Variants in GPR158 observed in about 807,000 individuals in gnomAD.
GPR158 encodes the protein metabotropic glycine receptor.
A neutral mutation model predicts 78.2 loss-of-function variants in GPR158; 30 were observed. That is an observed-to-expected ratio of 0.38 (90% CI 0.29 to 0.52). GPR158 has a LOEUF of 0.52. Ranked by LOEUF, GPR158 falls within the 20% of genes least tolerant of loss-of-function variation. The pLI, the probability that GPR158 is intolerant of heterozygous loss-of-function variation, is 0.83. For synonymous variants in GPR158, 581 were observed against 591.1 expected (o/e 0.98, Z 0.25); for missense variants, 1,463 against 1,523.5 (o/e 0.96, Z 0.66).
chr10:25,240,630 T>C (rs976152424), intron 2 of GPR158, among the ~76,000 whole-genome samples: 11 of 149,652 alleles, frequency 7.4e-5, no homozygotes, highest in Non-Finnish European at 1.2e-4. Context: ...CATTGTCTGC[T>C]GATAGAACGA....
chr10:25,560,862 A>G lies in GPR158; in HGVS notation c.1514+9777A>G, dbSNP rs569556152. The stretch of plus-strand genomic sequence containing the variant: ...AATGGAAACATTTTCGCTATTAGTC[A>G]TTTCTACCACATTTCAATCTGGACA... On this transcript the variant is annotated intron_variant, in intron 6 of 10. Coordinates refer to ENST00000376351, the MANE Select transcript of GPR158 (RefSeq NM_020752.3). Among the ~76,000 whole-genome samples, 51 of 152,284 alleles carry G rather than the reference A, an allele frequency of 3.3e-4. No homozygotes were observed. The South Asian group carries it at 0.01, about 30-fold the overall frequency.
In GPR158 at chr10:25,587,018, A is replaced by G. The variant is rs116387315; in HGVS notation, c.1754-1989A>G. On this transcript the variant is annotated intron_variant, in intron 7 of 10. Transcript: ENST00000376351. ...CTCAATTCCGTCTTGCTGACCGACT[A>G]AAATTAGAGGTTTATATAGCAGGGA... Among the ~76,000 whole-genome samples, 1,390 of 152,300 alleles carry G rather than the reference A, an allele frequency of 9.1e-3. 34 individuals are homozygous for G. Among genetic ancestry groups the G allele is most frequent in the African/African-American group, 0.032 (1,338 of 41,570 alleles).
chr10:25,572,149 G>A (rs929813422), intron 6 of GPR158, among the ~76,000 whole-genome samples: 1 of 152,054 alleles, frequency 6.6e-6, no homozygotes, highest in African/African-American at 2.4e-5. Context: ...TTTGCCTACG[G>A]ATCTTTCTAA....
intron 8 of GPR158, 175 bp from the exon 9 acceptor site, chr10:25,594,114 GCAT>G (rs1312457281): frequency 5.8e-6 from 3 of 518,024 alleles, no homozygotes; most frequent in Non-Finnish European, 1.0e-5. Flanking sequence ...CATATATTAT[GCAT>G]CAAATTAAGC....
rs868129665 is a variant in GPR158, at chr10:25,217,010, G to A, written c.903-4042G>A. Among the ~76,000 whole-genome samples, 8 of 152,178 alleles carry A rather than the reference G, an allele frequency of 5.3e-5. No homozygotes were observed. The South Asian group carries it at 1.7e-3, about 32-fold the overall frequency. On this transcript the variant is annotated intron_variant, in intron 1 of 10. Coordinates refer to ENST00000376351, the MANE Select transcript of GPR158 (RefSeq NM_020752.3). ...ATTGATTTCAAGTAGGGAATTGTCGGGATTGGGTTTATATGTTTCAAATAT... is the reference window on the plus strand; with the variant it reads ...ATTGATTTCAAGTAGGGAATTGTCGAGATTGGGTTTATATGTTTCAAATAT...
In GPR158 at chr10:25,356,038, CAG is replaced by C. The variant is rs1366816658; in HGVS notation, c.1009-39869_1009-39868del. ...TCCCAATGCTTCTCATGAGTTGAGG[CAG>C]AGACAGGTCTCCTGCTAAGGAACAG... On this transcript the variant is annotated intron_variant, in intron 2 of 10. Transcript: ENST00000376351. 9.2e-5 allele frequency among the ~76,000 whole-genome samples: 14 copies of C among 152,162 alleles called. No homozygotes were observed. In the East Asian group the frequency reaches 2.0e-3, roughly 21 times the overall value.
chr10:25,357,374 C>A (rs188066720), intron 2 of GPR158, among the ~76,000 whole-genome samples: 79 of 152,232 alleles, frequency 5.2e-4, no homozygotes, highest in African/African-American at 1.8e-3. Context: ...ACGATGGGCA[C>A]AATATCTCCA....
intron 4 of GPR158, among the ~76,000 whole-genome samples, chr10:25,448,124 AC>A (rs1835162656): frequency 7.5e-6 from 1 of 133,448 alleles, no homozygotes; most frequent in East Asian, 2.1e-4. Flanking sequence ...TCGTTCTGTC[AC>A]CCAGGCTGGA....
At chr10:25,585,156 CA>C (rs1007078546) in intron 7 of GPR158, among the ~76,000 whole-genome samples, 5 of 152,150 alleles carry the variant, frequency 3.3e-5, no homozygotes, top group Admixed American at 6.5e-5. Context: ...CTTATGCAAG[CA>C]AATAGAAACT....
At position 25,419,661 on chromosome 10, in the gene GPR158, T is replaced by TTTG. The variant is rs554254283; in HGVS notation, c.1335+7209_1335+7211dup. 3.1e-3 allele frequency among the ~76,000 whole-genome samples: 467 copies of TTTG among 152,154 alleles called. 2 individuals carry two copies. Among genetic ancestry groups the TTTG allele is most frequent in the African/African-American group, 0.01 (422 of 41,534 alleles). On this transcript the variant is annotated intron_variant, in intron 4 of 10. Coordinates refer to ENST00000376351, the MANE Select transcript of GPR158 (RefSeq NM_020752.3). ...ACCTACATTTGTCATTTTCTGTTGT[T>TTTG]TTGTTGTTGTTGTTGTTGTTGTTTT...
chr10:25,373,377 A>G (rs1312380325), intron 2 of GPR158, among the ~76,000 whole-genome samples: 1 of 151,954 alleles, frequency 6.6e-6, no homozygotes, highest in African/African-American at 2.4e-5. Context: ...AATTTGTACA[A>G]CAAACCCCCA....
chr10:25,248,462 T>C (rs1477979520), intron 2 of GPR158, among the ~76,000 whole-genome samples: 2 of 151,406 alleles, frequency 1.3e-5, no homozygotes, highest in African/African-American at 4.8e-5. Flanking sequence ...AACATTTAAA[T>C]CTTTAATCCA....
At chr10:25,549,521 T>G (rs1836703748) in intron 5 of GPR158, among the ~76,000 whole-genome samples, 3 of 152,166 alleles carry the variant, frequency 2.0e-5, no homozygotes, top group Admixed American at 2.0e-4. Context: ...AGGAAAATAT[T>G]TATCTGTATC....
At chr10:25,479,241 G>C (rs1056165573) in intron 5 of GPR158, among the ~76,000 whole-genome samples, 1 of 151,984 alleles carries the variant, frequency 6.6e-6, no homozygotes, top group South Asian at 2.1e-4. Context: ...AAAAGATTGG[G>C]CTAATTATTT....
intron 2 of GPR158, among the ~76,000 whole-genome samples, chr10:25,265,901 A>T (rs549236295): frequency 6.6e-6 from 1 of 152,020 alleles, no homozygotes; most frequent in Non-Finnish European, 1.5e-5. Flanking sequence ...TCAAAATGAA[A>T]CTCTGATGTT....
At chr10:25,282,978 G>A (rs1190739704) in intron 2 of GPR158, among the ~76,000 whole-genome samples, 1 of 151,696 alleles carries the variant, frequency 6.6e-6, no homozygotes, top group African/African-American at 2.4e-5. Flanking sequence ...TTCTTTTTTT[G>A]TAATGTCTTT....
intron 3 of GPR158, among the ~76,000 whole-genome samples, chr10:25,407,588 A>G (rs1834531464): frequency 6.6e-6 from 1 of 152,130 alleles, no homozygotes; most frequent in Admixed American, 6.6e-5. Context: ...AGCCTTCTCC[A>G]CATATGTTCT....
At chr10:25,562,828 T>G (rs1182300659) in intron 6 of GPR158, among the ~76,000 whole-genome samples, 2 of 152,214 alleles carry the variant, frequency 1.3e-5, no homozygotes, top group Non-Finnish European at 2.9e-5. Context: ...GTCTCCTTAT[T>G]GTTTGTATGT....
At chr10:25,256,983 T>G (rs560637815) in intron 2 of GPR158, among the ~76,000 whole-genome samples, 2 of 152,312 alleles carry the variant, frequency 1.3e-5, no homozygotes, top group East Asian at 3.9e-4. Flanking sequence ...TACAGATTAG[T>G]GGATAGATTT....
Sources: allele counts gnomAD v4.1 joint callset (sites outside exome capture counted in the v4.1 genomes callset), GRCh38; gene constraint gnomAD v4.1.1; transcripts MANE v1.5; gene names NCBI Gene and HGNC (gene_info 2026-07-23, HGNC 2026-07-21).